The following SEMA6D variants were observed in gnomAD, a reference collection of about 807,000 sequenced individuals.
SEMA6D encodes the protein semaphorin-6D.
Under a neutral mutation model 106.6 loss-of-function variants are expected in SEMA6D, and 35 were observed. The observed-to-expected ratio is 0.33, with a 90% CI of 0.25 to 0.44. The LOEUF (loss-of-function observed/expected upper bound fraction) is 0.44. Ranked by LOEUF, SEMA6D falls within the 20% of genes least tolerant of loss-of-function variation. The pLI is 1.00. For missense variants in SEMA6D, 1,185 were observed against 1,345.9 expected (o/e 0.88, Z 1.87); for synonymous variants, 499 against 487.7 (o/e 1.02, Z -0.31).
At chr15:47,548,490 G>A (rs544919601) in intron 3 of SEMA6D, among the ~76,000 whole-genome samples, 1 of 152,246 alleles carries the variant, frequency 6.6e-6, no homozygotes, top group East Asian at 1.9e-4. Flanking sequence ...TCAAAAATAT[G>A]GAACAAGCCA....
intron 1 of SEMA6D, chr15:47,184,425 C>T (rs970500903): frequency 6.6e-6 from 1 of 152,344 alleles, no homozygotes; most frequent in African/African-American, 2.4e-5. Flanking sequence ...CCAAGTAAGT[C>T]TTCCCTTTTC....
intron 1 of SEMA6D, among the ~76,000 whole-genome samples, chr15:47,370,182 C>T (rs1029580710): frequency 2.6e-5 from 4 of 152,092 alleles, no homozygotes; most frequent in African/African-American, 7.2e-5. Flanking sequence ...AAACTGAGGG[C>T]TTGTCAGGTT....
At chr15:47,630,812 A>G (rs1225214756) in intron 4 of SEMA6D, among the ~76,000 whole-genome samples, 1 of 151,854 alleles carries the variant, frequency 6.6e-6, no homozygotes, top group Non-Finnish European at 1.5e-5. Context: ...ATACATTGGT[A>G]TTAGACTTAT....
intron 1 of SEMA6D, among the ~76,000 whole-genome samples, chr15:47,224,307 T>C (rs11629928): frequency 0.053 from 8,002 of 152,186 alleles, 386 homozygotes; most frequent in Non-Finnish European, 0.082. Context: ...TCCATTCTTA[T>C]ACTTTTTACC....
intron 3 of SEMA6D, among the ~76,000 whole-genome samples, chr15:47,496,988 C>G (rs955090301): frequency 3.9e-5 from 6 of 152,052 alleles, no homozygotes; most frequent in Non-Finnish European, 5.9e-5. Context: ...CAGCCAAAAT[C>G]TCAACTATGA....
chr15:47,563,155 A>C (rs1458567072), intron 3 of SEMA6D, among the ~76,000 whole-genome samples: 1 of 152,202 alleles, frequency 6.6e-6, no homozygotes, highest in Non-Finnish European at 1.5e-5. Context: ...TAGTCAATAG[A>C]TTAGTGATTG....
intron 1 of SEMA6D, among the ~76,000 whole-genome samples, chr15:47,745,447 T>C (rs1244266418): frequency 6.6e-6 from 1 of 152,244 alleles, no homozygotes; most frequent in Non-Finnish European, 1.5e-5. Flanking sequence ...CCATGTTCTC[T>C]ACCCCGTACG....
At chr15:47,527,251 T>A (rs2044791262) in intron 3 of SEMA6D, among the ~76,000 whole-genome samples, 1 of 152,110 alleles carries the variant, frequency 6.6e-6, no homozygotes, top group Non-Finnish European at 1.5e-5. Context: ...AGTGACACAC[T>A]AAATATATAC....
At chr15:47,671,484 G>A (rs2078136335) in intron 4 of SEMA6D, among the ~76,000 whole-genome samples, 1 of 152,124 alleles carries the variant, frequency 6.6e-6, no homozygotes, top group Admixed American at 6.6e-5. Context: ...ACAAACATCA[G>A]ACAAAGGAAA....
intron 4 of SEMA6D, among the ~76,000 whole-genome samples, chr15:47,610,737 A>G (rs1172789402): frequency 1.3e-5 from 2 of 152,212 alleles, no homozygotes; most frequent in Non-Finnish European, 2.9e-5. Context: ...AATATTGAAA[A>G]AAGAAATTTT....
At chr15:47,519,791 C>T (rs1490065314) in intron 3 of SEMA6D, among the ~76,000 whole-genome samples, 2 of 152,184 alleles carry the variant, frequency 1.3e-5, no homozygotes, top group Admixed American at 1.3e-4. Flanking sequence ...TTAGTACCTG[C>T]CCTTTCCTTC....
intron 4 of SEMA6D, among the ~76,000 whole-genome samples, chr15:47,658,844 A>G (rs550601546): frequency 1.3e-5 from 2 of 152,244 alleles, no homozygotes; most frequent in East Asian, 1.9e-4. Context: ...ACACACACAC[A>G]TATGTGCACA....
At chr15:47,402,308 C>A (rs1032239480) in intron 1 of SEMA6D, among the ~76,000 whole-genome samples, 4 of 152,152 alleles carry the variant, frequency 2.6e-5, no homozygotes, top group Non-Finnish European at 5.9e-5. Flanking sequence ...TCCATATTTC[C>A]TTCTCTGTTA....
In SEMA6D at chr15:47,471,943, A is replaced by T. The variant is rs868085029; in HGVS notation, c.-87+1398A>T. ...CTCTCTCTCTCTCTCACACACACAC[A>T]CACACACACACACACACACACACAC... On this transcript the variant is annotated intron_variant, in intron 3 of 19. Transcript: ENST00000558014. Among the ~76,000 whole-genome samples, 727 of 150,376 alleles carry T rather than the reference A, an allele frequency of 4.8e-3. 7 individuals carry two copies. Among genetic ancestry groups the T allele is most frequent in the African/African-American group, 0.016 (630 of 40,492 alleles).
chr15:47,706,769 T>C (rs1172661587), intron 4 of SEMA6D, among the ~76,000 whole-genome samples: 3 of 152,112 alleles, frequency 2.0e-5, no homozygotes, highest in South Asian at 2.1e-4. Context: ...ACTATATAAG[T>C]TGTTTTAAAA....
chr15:47,767,009 T>G (rs369001422), intron 16 of SEMA6D, 28 bp from the exon 17 acceptor site: 1 of 1,404,802 alleles, frequency 7.1e-7, no homozygotes, highest in Non-Finnish European at 9.7e-7. Flanking sequence ...TACTTTTCAC[T>G]GATTACTTGT....
intron 1 of SEMA6D, among the ~76,000 whole-genome samples, chr15:47,743,563 C>CA (rs2080944845): frequency 1.3e-5 from 2 of 152,120 alleles, no homozygotes; most frequent in Admixed American, 1.3e-4. Context: ...AACAGACTAT[C>CA]ACGTGATATG....
At chr15:47,379,660 T>G (rs281257) in intron 1 of SEMA6D, among the ~76,000 whole-genome samples, 92,792 of 152,116 alleles carry the variant, frequency 0.61, 30,178 homozygotes, top group Non-Finnish European at 0.72. Flanking sequence ...AAAACGAACA[T>G]TGGAGAGGAA....
chr15:47,485,649 A>G (rs536870399), intron 3 of SEMA6D, among the ~76,000 whole-genome samples: 1 of 152,276 alleles, frequency 6.6e-6, no homozygotes, highest in African/African-American at 2.4e-5. Context: ...AGAACTGATG[A>G]CACATTGCAA....
Sources: allele counts gnomAD v4.1 joint callset (sites outside exome capture counted in the v4.1 genomes callset), GRCh38; gene constraint gnomAD v4.1.1; transcripts MANE v1.5; gene names NCBI Gene and HGNC (gene_info 2026-07-23, HGNC 2026-07-21).